Variants in SASH1 observed in about 807,000 individuals in gnomAD.
The protein encoded by SASH1 is SAM and SH3 domain containing 1, also known as SAM and SH3 domain-containing protein 1.
In SASH1, 44 loss-of-function variants were observed where a neutral mutation model predicts 125.2. That is an observed-to-expected ratio of 0.35 (90% CI 0.28 to 0.45). The LOEUF is 0.45. SASH1 is among the 20% of genes least tolerant of loss of function. SASH1 has a pLI of 1.00. For missense variants in SASH1, 1,426 were observed against 1,614.5 expected, an observed-to-expected ratio of 0.88 and a Z score of 2.00; for synonymous variants, 639 against 649.1, an observed-to-expected ratio of 0.98 and a Z score of 0.24.
chr6:148,324,775 G>A (rs1780751814), intron 1 of SASH1, among the ~76,000 whole-genome samples: 1 of 152,184 alleles, frequency 6.6e-6, no homozygotes, highest in Non-Finnish European at 1.5e-5. Context: ...CTGAGTATGA[G>A]GGCTTTTCAG....
chr6:148,473,997 A>G lies in SASH1; in HGVS notation c.515-113A>G, dbSNP rs79532292. On this transcript the variant is annotated intron_variant, in intron 6 of 19. Coordinates refer to ENST00000367467, the MANE Select transcript of SASH1 (RefSeq NM_015278.5). ...GCTTCATCAGTAACGTTCAACATACATAGTGTCCTGAGCAACATTCTTCTC... is the reference window on the plus strand; with the variant it reads ...GCTTCATCAGTAACGTTCAACATACGTAGTGTCCTGAGCAACATTCTTCTC... The G allele has an allele frequency of 0.013, 8,910 of 707,714 alleles. 588 individuals carry two copies. The African/African-American group carries it at 0.14, about 11-fold the overall frequency. 43.8% of individuals were successfully genotyped at this position (707,714 alleles called of 1,614,324 possible). A position where few individuals can be genotyped will look rare whatever the true frequency, so the allele number is the denominator to read the frequency against.
At chr6:148,361,842 G>A (rs1357019450) in intron 1 of SASH1, among the ~76,000 whole-genome samples, 5 of 152,016 alleles carry the variant, frequency 3.3e-5, no homozygotes, top group Non-Finnish European at 7.4e-5. Context: ...GTGAGCAACA[G>A]GAGAGACAGA....
At chr6:148,366,539 G>A (rs1782466217) in intron 1 of SASH1, among the ~76,000 whole-genome samples, 1 of 152,142 alleles carries the variant, frequency 6.6e-6, no homozygotes, top group Non-Finnish European at 1.5e-5. Flanking sequence ...AAGCATTTAG[G>A]TTTGGGCCTG....
chr6:148,532,046 TG>T lies in SASH1; in HGVS notation c.1564+386del, dbSNP rs1412964249. On this transcript the variant is annotated intron_variant, in intron 13 of 19. Transcript: ENST00000367467. This position sits in a 1 kb window ranked among gnomAD's most constrained non-coding sequence, Gnocchi z 4.7. ...CGGGCCAATGGTAGTTGGAGTTGGCTGAATGGTATGAAGGAAAAGATCAACT... is the reference window on the plus strand; with the variant it reads ...CGGGCCAATGGTAGTTGGAGTTGGCTAATGGTATGAAGGAAAAGATCAACT... Among the ~76,000 whole-genome samples the T allele has an allele frequency of 6.6e-6, 1 of 152,190 alleles. No homozygotes were observed. Among genetic ancestry groups the T allele is most frequent in the East Asian group, 1.9e-4 (1 of 5,192 alleles).
At chr6:148,447,726 CTCCTCCTCCTCT>C (rs1185600654) in intron 4 of SASH1, among the ~76,000 whole-genome samples, 2 of 97,146 alleles carry the variant, frequency 2.1e-5, no homozygotes, top group East Asian at 7.3e-4. Flanking sequence ...CCTCCTCATC[CTCCTCCTCCTCT>C]TCCTCCTCCT....
chr6:148,337,717 G>T (rs1781202500), intron 1 of SASH1, among the ~76,000 whole-genome samples: 1 of 152,186 alleles, frequency 6.6e-6, no homozygotes, highest in African/African-American at 2.4e-5. Flanking sequence ...GTACATACGT[G>T]TGTATATGTA....
chr6:148,300,448 T>C (rs1386600866), intron 1 of SASH1, among the ~76,000 whole-genome samples: 1 of 124,798 alleles, frequency 8.0e-6, no homozygotes, highest in African/African-American at 2.8e-5. Flanking sequence ...CAAGATTTTT[T>C]TTTTTTTTTT....
intron 2 of SASH1, among the ~76,000 whole-genome samples, chr6:148,434,992 G>A (rs1163969024): frequency 6.6e-6 from 1 of 152,086 alleles, no homozygotes; most frequent in African/African-American, 2.4e-5. Flanking sequence ...ATTGCTTGAG[G>A]CCAGGAGTTC....
intron 1 of SASH1, among the ~76,000 whole-genome samples, chr6:148,369,355 G>T (rs1782618127): frequency 6.6e-6 from 1 of 152,118 alleles, no homozygotes; most frequent in South Asian, 2.1e-4. Context: ...CTCAGGCAAA[G>T]GTGATTTCAT....
intron 8 of SASH1, chr6:148,513,122 A>G (rs1018914740): frequency 5.1e-6 from 5 of 985,290 alleles, no homozygotes; most frequent in Non-Finnish European, 6.0e-6. Context: ...ACTCTTGCTT[A>G]TCTGTTTTAT....
In SASH1 at chr6:148,315,843, T is replaced by C. The variant is rs146466325; in HGVS notation, n.74+43466T>C. ...CACTTGAGCCTGGGAGGTCGAGGTT[T>C]CAGTGAGCCATGATTTTGCCACTAC... On this transcript the variant is annotated intron_variant and non_coding_transcript_variant, in intron 1 of 3. Transcript: ENST00000367469. Among the ~76,000 whole-genome samples, 780 of 152,218 alleles carry C rather than the reference T, an allele frequency of 5.1e-3. 9 individuals are homozygous for C. The highest frequency in any genetic ancestry group is 0.018 in the African/African-American group (729 of 41,552).
At chr6:148,253,909 A>G in the SASH1 span, among the ~76,000 whole-genome samples, 3 of 150,418 alleles carry the variant, frequency 2.0e-5, no homozygotes, top group East Asian at 1.9e-4. Context: ...AATAAATAAA[A>G]AGAAATAAAA....
chr6:148,537,810 GTGTGT>G (rs1369866414), intron 16 of SASH1, among the ~76,000 whole-genome samples: 1 of 146,520 alleles, frequency 6.8e-6, no homozygotes, highest in Non-Finnish European at 1.5e-5. Context: ...GTGTGTGTGT[GTGTGT>G]GTGTGTGTGT....
At position 148,326,554 on chromosome 6, in the gene SASH1, G is replaced by A. The variant is rs908405038; in HGVS notation, n.74+54177G>A. Reference sequence around the variant, plus strand: ...TGAGTAGCTGGGATTACAGCCACGCGCCACCGTGGCCAGCTAATTGTATTT... The same window carrying A: ...TGAGTAGCTGGGATTACAGCCACGCACCACCGTGGCCAGCTAATTGTATTT... On this transcript the variant is annotated intron_variant and non_coding_transcript_variant, in intron 1 of 3. Transcript: ENST00000367469. Among the ~76,000 whole-genome samples, 9 of 148,206 alleles carry A rather than the reference G, an allele frequency of 6.1e-5. No individual in the cohort carries two copies. In the East Asian group the frequency reaches 1.4e-3, roughly 23 times the overall value.
chr6:148,497,875 T>C (rs1270804754), intron 8 of SASH1, among the ~76,000 whole-genome samples: 2 of 152,178 alleles, frequency 1.3e-5, no homozygotes, highest in African/African-American at 4.8e-5. Flanking sequence ...TAAGTAGTTA[T>C]TGTACTGAAA....
At chr6:148,377,204 A>C (rs1340792567) in intron 1 of SASH1, among the ~76,000 whole-genome samples, 1 of 76,754 alleles carries the variant, frequency 1.3e-5, no homozygotes, top group African/African-American at 5.2e-5. Context: ...ACAAAAAAAA[A>C]ACAAAACAAA....
chr6:148,511,324 T>TACACACACACACACAC (rs58822082), intron 8 of SASH1, among the ~76,000 whole-genome samples: 172 of 135,462 alleles, frequency 1.3e-3, no homozygotes, highest in Non-Finnish European at 2.3e-3. Context: ...AATTTTCTAT[T>TACACACACACACACAC]ACACACACAC....
chr6:148,267,032 G>T, the SASH1 span, among the ~76,000 whole-genome samples: 1 of 152,068 alleles, frequency 6.6e-6, no homozygotes, highest in African/African-American at 2.4e-5. Flanking sequence ...ATTCTGCTGC[G>T]AGTGGTCCTC....
the SASH1 span, among the ~76,000 whole-genome samples, chr6:148,217,754 C>T: frequency 6.6e-6 from 1 of 151,660 alleles, no homozygotes; most frequent in Non-Finnish European, 1.5e-5. Context: ...CCTATAATCC[C>T]AGCACTTTAG....
Sources: allele counts gnomAD v4.1 joint callset (sites outside exome capture counted in the v4.1 genomes callset), GRCh38; gene constraint gnomAD v4.1.1; non-coding constraint Gnocchi (gnomAD v3.1); transcripts MANE v1.5; gene names NCBI Gene and HGNC (gene_info 2026-07-23, HGNC 2026-07-21).